GLT1D1: variants seen among roughly 807,000 people sequenced by gnomAD.
GLT1D1 encodes the protein glycosyltransferase 1 domain containing 1.
GLT1D1 carries 21 observed loss-of-function variants against 28.7 expected under a neutral mutation model. The observed-to-expected ratio is 0.73, with a 90% CI of 0.52 to 1.05. The LOEUF is 1.05. Ranked by LOEUF, GLT1D1 falls within the 50% of genes least tolerant of loss-of-function variation. GLT1D1 has a pLI of 0.00. For synonymous variants in GLT1D1, 147 were observed against 124.8 expected (o/e 1.18, Z -1.19); for missense variants, 343 against 330.6 (o/e 1.04, Z -0.29).
At chr12:128,953,244 G>T (rs1398708966) in intron 6 of GLT1D1, among the ~76,000 whole-genome samples, 1 of 152,140 alleles carries the variant, frequency 6.6e-6, no homozygotes, top group Non-Finnish European at 1.5e-5. Context: ...CAGCCTATCA[G>T]ATATTTATTT....
Position 128,928,518 on chromosome 12 carries a change from G to A in GLT1D1, c.376-16808G>A, listed in dbSNP as rs909122072. ...CTGGTCATCTCATGAGAATGAGCTC[G>A]TCTTTACTCCAAGCGGTTTGGAAAA... On this transcript the variant is annotated intron_variant, in intron 4 of 7. Coordinates refer to ENST00000281703, the MANE Select transcript of GLT1D1 (RefSeq NM_144669.3). Among the ~76,000 whole-genome samples, 17 of 152,148 alleles carry A rather than the reference G, an allele frequency of 1.1e-4. No homozygotes were observed. In the South Asian group the frequency reaches 1.9e-3, roughly 17 times the overall value.
chr12:128,881,740 C>T (rs1221581597), intron 2 of GLT1D1, among the ~76,000 whole-genome samples: 1 of 149,294 alleles, frequency 6.7e-6, no homozygotes, highest in Non-Finnish European at 1.5e-5. Context: ...TGCAGAGATA[C>T]TGCTGTATCT....
At chr12:128,938,289 G>A (rs1464722518) in intron 4 of GLT1D1, among the ~76,000 whole-genome samples, 1 of 152,230 alleles carries the variant, frequency 6.6e-6, no homozygotes, top group African/African-American at 2.4e-5. Flanking sequence ...AGGTGGCCGA[G>A]AAGTATTAAC....
Position 128,983,197 on chromosome 12 carries a change from C to T in GLT1D1, c.*107C>T. ...CCCAGTGCAGTTCAAATAAAACCAGCCTCAGCGGAATCCTAGAAAATGTTA... is the reference window on the plus strand; with the variant it reads ...CCCAGTGCAGTTCAAATAAAACCAGTCTCAGCGGAATCCTAGAAAATGTTA... On this transcript the variant is annotated 3_prime_UTR_variant, in exon 8 of 8. Transcript: ENST00000281703. This position sits in a 1 kb window ranked among gnomAD's most constrained non-coding sequence, Gnocchi z 4.7. The T allele has an allele frequency of 2.0e-6, 2 of 990,096 alleles. No individual in the cohort carries two copies. The highest frequency in any genetic ancestry group is 3.0e-6 in the Non-Finnish European group (2 of 658,504). The allele number at this position is 990,096 out of a possible 1,614,324, so 61.3% of individuals were successfully genotyped here.
chr12:128,880,671 C>G (rs1412146824), intron 2 of GLT1D1, among the ~76,000 whole-genome samples: 1 of 152,146 alleles, frequency 6.6e-6, no homozygotes, highest in Non-Finnish European at 1.5e-5. Context: ...TGTGCATACA[C>G]TACACATTTC....
chr12:128,927,311 T>A (rs1194619317), intron 4 of GLT1D1, among the ~76,000 whole-genome samples, 157 bp downstream of exon 8: 1 of 152,192 alleles, frequency 6.6e-6, no homozygotes, highest in African/African-American at 2.4e-5. Context: ...TGATCTCGGC[T>A]CACTGCAACC....
At chr12:128,905,934 C>T (rs939684108) in intron 4 of GLT1D1, among the ~76,000 whole-genome samples, 5 of 151,388 alleles carry the variant, frequency 3.3e-5, no homozygotes, top group African/African-American at 4.9e-5. Flanking sequence ...TGGGCTCAGA[C>T]GATCCTCTCC....
chr12:128,882,650 A>G (rs1224139529), intron 2 of GLT1D1, among the ~76,000 whole-genome samples: 1 of 152,204 alleles, frequency 6.6e-6, no homozygotes, highest in Non-Finnish European at 1.5e-5. Context: ...TGAACGTCAA[A>G]GTAACACATT....
intron 4 of GLT1D1, among the ~76,000 whole-genome samples, chr12:128,919,673 A>G (rs1044204608): frequency 6.6e-6 from 1 of 152,220 alleles, no homozygotes; most frequent in Non-Finnish European, 1.5e-5. Context: ...CACGATATTG[A>G]CAATAGCTAT....
chr12:128,895,731 T>G (rs1396843991), intron 3 of GLT1D1, among the ~76,000 whole-genome samples: 2 of 151,996 alleles, frequency 1.3e-5, no homozygotes, highest in Non-Finnish European at 2.9e-5. Flanking sequence ...AGTGCTGAGA[T>G]TACAGGCGTG....
At chr12:128,954,761 A>G (rs1027439234) in intron 6 of GLT1D1, among the ~76,000 whole-genome samples, 3 of 152,196 alleles carry the variant, frequency 2.0e-5, no homozygotes. Context: ...ATGAGTGTGG[A>G]AAACATAGCA....
chr12:128,936,489 C>G (rs1874577977), intron 4 of GLT1D1, among the ~76,000 whole-genome samples: 1 of 152,178 alleles, frequency 6.6e-6, no homozygotes, highest in African/African-American at 2.4e-5. Flanking sequence ...TACCTTTCTG[C>G]TTTGACATGC....
At chr12:128,908,871 C>T (rs909534872) in intron 4 of GLT1D1, among the ~76,000 whole-genome samples, 8 of 152,128 alleles carry the variant, frequency 5.3e-5, no homozygotes, top group Non-Finnish European at 1.0e-4. Context: ...ATGGCGTGAA[C>T]CCGGGAGGCA....
rs958208964 is a variant in GLT1D1 at position 128,912,415 on chromosome 12, T to C, written c.375+13128T>C. 1.3e-6 allele frequency: 2 copies of C among 1,521,780 alleles called. No homozygotes were observed. The highest frequency in any genetic ancestry group is 1.8e-6 in the Non-Finnish European group (2 of 1,135,372). 94.3% of individuals were successfully genotyped at this position (1,521,780 alleles called of 1,614,324 possible). ...TACTTTTCTTTTCTCTCTCCCCTCC[T>C]TTCAAAAGCCGCATGCTAAGGGTAA... On this transcript the variant is annotated intron_variant, in intron 4 of 7. Transcript: ENST00000281703.
At chr12:128,959,798 A>G (rs2135520166) in intron 7 of GLT1D1, among the ~76,000 whole-genome samples, 1 of 152,312 alleles carries the variant, frequency 6.6e-6, no homozygotes, top group Admixed American at 6.5e-5. Context: ...GTCAGTGAAT[A>G]TTAATATCCG....
At chr12:128,894,998 A>G (rs1260932038) in intron 3 of GLT1D1, among the ~76,000 whole-genome samples, 1 of 151,616 alleles carries the variant, frequency 6.6e-6, no homozygotes, top group Non-Finnish European at 1.5e-5. Flanking sequence ...CCCACAGGAG[A>G]TGCTTTGAGC....
In GLT1D1 at chr12:128,874,006, TCCCTTC is replaced by T. The variant is rs1389387519; in HGVS notation, c.69-1894_69-1889del. Among the ~76,000 whole-genome samples the T allele has an allele frequency of 1.3e-3, 178 of 136,362 alleles. 1 individual carries two copies. Among genetic ancestry groups the T allele is most frequent in the South Asian group, 1.6e-3 (6 of 3,638 alleles). The allele number at this position is 136,362 out of a possible 152,430, so 89.5% of individuals were successfully genotyped here. On this transcript the variant is annotated intron_variant, in intron 1 of 7. Transcript: ENST00000281703. Reference sequence around the variant, plus strand: ...CTCCTTCCTTCCTTCCTTCTTCCCTTCCCTTCCCCTTCCCCTTCCTCCCTCCCTCCC... The same window carrying T: ...CTCCTTCCTTCCTTCCTTCTTCCCTTCCCTTCCCCTTCCTCCCTCCCTCCC...
At chr12:128,954,012 C>T (rs1340709497) in intron 6 of GLT1D1, among the ~76,000 whole-genome samples, 1 of 152,136 alleles carries the variant, frequency 6.6e-6, no homozygotes, top group Non-Finnish European at 1.5e-5. Context: ...TCCCAAAGTT[C>T]TGGGATTACA....
intron 2 of GLT1D1, among the ~76,000 whole-genome samples, chr12:128,878,021 C>T (rs1050286156): frequency 6.6e-6 from 1 of 152,222 alleles, no homozygotes; most frequent in African/African-American, 2.4e-5. Flanking sequence ...CTGAGAGAAC[C>T]ATCAAAAGAA....
Sources: allele counts gnomAD v4.1 joint callset (sites outside exome capture counted in the v4.1 genomes callset), GRCh38; gene constraint gnomAD v4.1.1; non-coding constraint Gnocchi (gnomAD v3.1); transcripts MANE v1.5; gene names NCBI Gene and HGNC (gene_info 2026-07-23, HGNC 2026-07-21).